The following APBA1 variants were observed in gnomAD, a reference collection of about 807,000 sequenced individuals.
The protein encoded by APBA1 is amyloid-beta A4 precursor protein-binding family A member 1.
Under a neutral mutation model 86.6 loss-of-function variants are expected in APBA1, and 55 were observed. The observed-to-expected ratio is 0.64, with a 90% CI of 0.51 to 0.80. APBA1 has a LOEUF of 0.80. APBA1 is among the 30% of genes least tolerant of loss of function. The pLI is 0.00. For missense variants in APBA1, 1,090 were observed against 1,183.0 expected (o/e 0.92, Z 1.15); for synonymous variants, 511 against 493.9 (o/e 1.03, Z -0.46).
intron 2 of APBA1, among the ~76,000 whole-genome samples, chr9:69,483,162 A>C (rs964967226): frequency 1.3e-4 from 19 of 151,994 alleles, no homozygotes; most frequent in African/African-American, 2.7e-4. Context: ...CGAAACAAAA[A>C]AAAAAAAAAA....
intron 2 of APBA1, among the ~76,000 whole-genome samples, chr9:69,513,502 A>T (rs891411748): frequency 6.6e-6 from 1 of 152,244 alleles, no homozygotes; most frequent in Non-Finnish European, 1.5e-5. Flanking sequence ...CCTACTTTTG[A>T]AAACCTGCTC....
chr9:69,570,132 C>T (rs942134603), intron 1 of APBA1, among the ~76,000 whole-genome samples: 3 of 152,062 alleles, frequency 2.0e-5, no homozygotes, highest in East Asian at 3.9e-4. Flanking sequence ...GAGTTTAGGA[C>T]CTAAAGGCTA....
intron 1 of APBA1, among the ~76,000 whole-genome samples, chr9:69,526,153 TC>T (rs1836338905): frequency 6.6e-6 from 1 of 152,038 alleles, no homozygotes; most frequent in Non-Finnish European, 1.5e-5. Flanking sequence ...GGACACCACA[TC>T]AGCCTTGGGA....
At chr9:69,522,058 C>T (rs7865026) in intron 1 of APBA1, among the ~76,000 whole-genome samples, 103 of 138,226 alleles carry the variant, frequency 7.5e-4, no homozygotes, top group African/African-American at 2.7e-3. Flanking sequence ...CACATACTCA[C>T]ACCATTTTAT....
chr9:69,635,504 T>C (rs1823138045), intron 1 of APBA1, among the ~76,000 whole-genome samples: 1 of 151,950 alleles, frequency 6.6e-6, no homozygotes, highest in Non-Finnish European at 1.5e-5. Context: ...TTATCAATAA[T>C]AACATTTAAT....
At chr9:69,644,326 C>T (rs1351512674) in intron 1 of APBA1, among the ~76,000 whole-genome samples, 2 of 152,076 alleles carry the variant, frequency 1.3e-5, no homozygotes, top group Non-Finnish European at 2.9e-5. Flanking sequence ...ATTGAATGAC[C>T]ACCACCACAG....
chr9:69,448,089 T>C (rs1343594778), intron 10 of APBA1, among the ~76,000 whole-genome samples: 1 of 151,336 alleles, frequency 6.6e-6, no homozygotes, highest in Non-Finnish European at 1.5e-5. Flanking sequence ...ACCCCATCTC[T>C]CCCTGACTCA....
intron 1 of APBA1, among the ~76,000 whole-genome samples, chr9:69,636,927 GAAAGAAA>G (rs1564098996): frequency 3.4e-4 from 41 of 120,652 alleles, no homozygotes; most frequent in African/African-American, 1.1e-3. Context: ...AGGAAGGAAA[GAAAGAAA>G]GAAAGAAAGA....
chr9:69,654,109 T>C (rs1167858335), intron 1 of APBA1, among the ~76,000 whole-genome samples: 2 of 89,148 alleles, frequency 2.2e-5, no homozygotes, highest in Non-Finnish European at 2.0e-5. Context: ...CGAAACTCCA[T>C]CTCAAAAAAA....
intron 4 of APBA1, among the ~76,000 whole-genome samples, chr9:69,468,591 T>C (rs963713739): frequency 6.6e-6 from 1 of 152,254 alleles, no homozygotes; most frequent in Non-Finnish European, 1.5e-5. Flanking sequence ...CACAGTCCCA[T>C]GCTGTCAATC....
chr9:69,483,034 G>C (rs1324743109), intron 2 of APBA1, among the ~76,000 whole-genome samples: 2 of 150,468 alleles, frequency 1.3e-5, no homozygotes, highest in Non-Finnish European at 3.0e-5. Context: ...CCGAGTTAGT[G>C]GGTGCAGCGC....
At chr9:69,450,667 C>A (rs1834991819) in intron 9 of APBA1, among the ~76,000 whole-genome samples, 1 of 152,104 alleles carries the variant, frequency 6.6e-6, no homozygotes, top group African/African-American at 2.4e-5. Context: ...TGTTGAATTA[C>A]CAACCCCCAG....
chr9:69,523,469 ATATATATGTATATATATATATATATATG>A (rs1204975171), intron 1 of APBA1, among the ~76,000 whole-genome samples: 3 of 84,132 alleles, frequency 3.6e-5, no homozygotes, highest in Non-Finnish European at 4.5e-5. Flanking sequence ...ATGTGTATAT[ATATATATGTATATATATATATATATATG>A]TATATATATA....
intron 2 of APBA1, among the ~76,000 whole-genome samples, chr9:69,511,313 C>G (rs1245472622): frequency 2.0e-5 from 3 of 152,144 alleles, no homozygotes; most frequent in Admixed American, 2.0e-4. Flanking sequence ...CCAAAAAACA[C>G]ATGAAAAAAT....
rs1822147827 is a variant in APBA1 at position 69,592,405 on chromosome 9, G to A, written c.-69-75126C>T. On this transcript the variant is annotated intron_variant, in intron 1 of 12. Coordinates refer to ENST00000265381, the MANE Select transcript of APBA1 (RefSeq NM_001163.4). Reference sequence around the variant, plus strand: ...AAGGCCAGGAGTTTGAAGCCAGCCTGGGTAACATAGTGAGGCGCTGTCGCT... The same window carrying A: ...AAGGCCAGGAGTTTGAAGCCAGCCTAGGTAACATAGTGAGGCGCTGTCGCT... Among the ~76,000 whole-genome samples the A allele has an allele frequency of 2.0e-5, 3 of 152,148 alleles. No individual in the cohort carries two copies. In the South Asian group the frequency reaches 6.2e-4, roughly 32 times the overall value.
At chr9:69,533,995 A>G (rs1028203107) in intron 1 of APBA1, among the ~76,000 whole-genome samples, 1 of 152,232 alleles carries the variant, frequency 6.6e-6, no homozygotes, top group African/African-American at 2.4e-5. Flanking sequence ...ATGACATCCA[A>G]TTATAGAAGA....
chr9:69,512,723 G>A (rs548622309), intron 2 of APBA1, among the ~76,000 whole-genome samples: 96 of 151,948 alleles, frequency 6.3e-4, no homozygotes, highest in African/African-American at 2.2e-3. Context: ...ACATGCTTAC[G>A]AATCTCAGGG....
intron 11 of APBA1, among the ~76,000 whole-genome samples, chr9:69,436,544 G>C (rs1834723822): frequency 7.0e-6 from 1 of 142,200 alleles, no homozygotes; most frequent in Non-Finnish European, 1.5e-5. Flanking sequence ...TGAAGCAATT[G>C]TGAATGGGAG....
At position 69,427,713 on chromosome 9, in the gene APBA1, T is replaced by G. The variant is rs1834510796; in HGVS notation, c.*3614A>C. ...TGACCAGACTGTCAAGGAAGTACATTCAGTGGGTGTGCGGTGTCCACATTC... is the reference window on the plus strand; with the variant it reads ...TGACCAGACTGTCAAGGAAGTACATGCAGTGGGTGTGCGGTGTCCACATTC... On this transcript the variant is annotated 3_prime_UTR_variant, in exon 13 of 13. Coordinates refer to ENST00000265381, the MANE Select transcript of APBA1 (RefSeq NM_001163.4). 1 of 152,138 alleles carries G rather than the reference T, an allele frequency of 6.6e-6. No individual in the cohort carries two copies. The highest frequency in any genetic ancestry group is 1.5e-5 in the Non-Finnish European group (1 of 68,020). 9.4% of individuals were successfully genotyped at this position (152,138 alleles called of 1,614,324 possible).
Sources: gnomAD v4.1 joint callset for allele counts (sites outside exome capture counted in the v4.1 genomes callset) on GRCh38, gnomAD v4.1.1 for gene constraint, MANE v1.5 for transcripts, NCBI Gene and HGNC (gene_info 2026-07-23, HGNC 2026-07-21) for gene names.